ATP6V0A4: variants seen among roughly 807,000 people sequenced by gnomAD.
ATP6V0A4 encodes ATPase H+ transporting V0 subunit a4, also known as V-type proton ATPase 116 kDa subunit a 4.
ATP6V0A4 carries 86 observed loss-of-function variants against 107.3 expected under a neutral mutation model. The ratio of observed to expected loss-of-function variants is 0.80; its 90% CI spans 0.67 to 0.96. The LOEUF is 0.96. Among genes scored for constraint, ATP6V0A4 ranks in the 40% least tolerant of loss-of-function variants. The pLI is 0.00. For missense variants in ATP6V0A4, 908 were observed against 1,045.6 expected (o/e 0.87, Z 1.81); for synonymous variants, 353 against 381.4 (o/e 0.93, Z 0.87).
intron 2 of ATP6V0A4, among the ~76,000 whole-genome samples, chr7:138,784,262 A>T (rs1386314523): frequency 2.3e-5 from 1 of 43,724 alleles, no homozygotes. Flanking sequence ...ACATATATAT[A>T]TATACATATA....
At chr7:138,770,150 GA>G (rs1324730318) in intron 3 of ATP6V0A4, among the ~76,000 whole-genome samples, 1 of 150,390 alleles carries the variant, frequency 6.6e-6, no homozygotes, top group African/African-American at 2.4e-5. Context: ...AATAGGAAGT[GA>G]AAAAAACCCA....
chr7:138,733,142 G>T, intron 16 of ATP6V0A4, 49 bp from the exon 17 acceptor site: 1 of 1,610,928 alleles, frequency 6.2e-7, no homozygotes, highest in South Asian at 1.1e-5. Flanking sequence ...TCAAGGGAAC[G>T]TTAGGACTTA....
chr7:138,711,690 G>C (rs112933232), intron 20 of ATP6V0A4, among the ~76,000 whole-genome samples: 1 of 152,210 alleles, frequency 6.6e-6, no homozygotes, highest in African/African-American at 2.4e-5. Context: ...GGTTAGACCC[G>C]TACCTGAGAT....
intron 14 of ATP6V0A4, among the ~76,000 whole-genome samples, chr7:138,743,457 C>CAAA (rs11458268): frequency 3.2e-5 from 4 of 125,330 alleles, no homozygotes; most frequent in African/African-American, 9.1e-5. Context: ...GACTCCATCT[C>CAAA]AAAAAAAAAA....
At chr7:138,740,492 T>C (rs891520864) in intron 14 of ATP6V0A4, among the ~76,000 whole-genome samples, 1 of 149,104 alleles carries the variant, frequency 6.7e-6, no homozygotes, top group Admixed American at 6.8e-5. Flanking sequence ...AATGGCACGA[T>C]CTTGGCTCAC....
intron 7 of ATP6V0A4, among the ~76,000 whole-genome samples, chr7:138,761,869 G>A (rs1325808962): frequency 6.6e-6 from 1 of 152,102 alleles, no homozygotes; most frequent in Admixed American, 6.5e-5. Flanking sequence ...AGTAGAGATT[G>A]GGGTTTCACT....
At chr7:138,742,414 G>A (rs1046501279) in intron 14 of ATP6V0A4, among the ~76,000 whole-genome samples, 2 of 152,074 alleles carry the variant, frequency 1.3e-5, no homozygotes, top group East Asian at 1.9e-4. Flanking sequence ...GCCACAGAAC[G>A]AGACTCCACC....
chr7:138,742,547 C>T (rs965067226), intron 14 of ATP6V0A4, among the ~76,000 whole-genome samples: 1 of 152,058 alleles, frequency 6.6e-6, no homozygotes, highest in African/African-American at 2.4e-5. Context: ...TTGTTTGAGA[C>T]GGGGTCTTGC....
chr7:138,771,034 T>C (rs1339603557), intron 3 of ATP6V0A4, 97 bp downstream of exon 3: 2 of 1,236,694 alleles, frequency 1.6e-6, no homozygotes, highest in African/African-American at 1.5e-5. Context: ...CTCCTCTCCC[T>C]ACAAAATGGT....
intron 15 of ATP6V0A4, among the ~76,000 whole-genome samples, chr7:138,738,315 C>T (rs1286705200): frequency 6.6e-6 from 1 of 151,978 alleles, no homozygotes; most frequent in East Asian, 1.9e-4. Flanking sequence ...TGTGAAATAC[C>T]GTAGCTCCAC....
chr7:138,778,738 G>A (rs1007135034), intron 2 of ATP6V0A4, among the ~76,000 whole-genome samples: 3 of 151,926 alleles, frequency 2.0e-5, no homozygotes, highest in African/African-American at 7.3e-5. Flanking sequence ...CAAAGCCCAA[G>A]TGGGGAGCCT....
At chr7:138,721,289 A>T (rs1407660242) in intron 19 of ATP6V0A4, among the ~76,000 whole-genome samples, 1 of 152,192 alleles carries the variant, frequency 6.6e-6, no homozygotes, top group Non-Finnish European at 1.5e-5. Context: ...CTGTAATCCC[A>T]GCACTTTGGG....
intron 2 of ATP6V0A4, among the ~76,000 whole-genome samples, chr7:138,772,727 A>ACCTC (rs1807457894): frequency 6.6e-6 from 1 of 152,178 alleles, no homozygotes; most frequent in South Asian, 2.1e-4. Context: ...TAGCCAGGGA[A>ACCTC]CGGAGCCCTG....
At chr7:138,708,982 G>A (rs557878418) in intron 21 of ATP6V0A4, among the ~76,000 whole-genome samples, 1 of 152,160 alleles carries the variant, frequency 6.6e-6, no homozygotes, top group East Asian at 1.9e-4. Flanking sequence ...GCTGAGGCGG[G>A]TGAATCACTT....
intron 19 of ATP6V0A4, among the ~76,000 whole-genome samples, chr7:138,716,495 A>G (rs1322342435): frequency 2.0e-5 from 3 of 151,856 alleles, no homozygotes; most frequent in Non-Finnish European, 4.4e-5. Flanking sequence ...AACACAGGAA[A>G]GAAGTAAATA....
chr7:138,725,915 T>C (rs754073885), intron 18 of ATP6V0A4, among the ~76,000 whole-genome samples: 13 of 152,252 alleles, frequency 8.5e-5, no homozygotes, highest in African/African-American at 3.1e-4. Context: ...TCGTTATTCA[T>C]GCACTTGTCT....
chr7:138,736,640 C>A (rs540377936), intron 15 of ATP6V0A4, among the ~76,000 whole-genome samples: 1 of 151,922 alleles, frequency 6.6e-6, no homozygotes, highest in African/African-American at 2.4e-5. Flanking sequence ...GGTGCAATCT[C>A]GGCTCACTAC....
intron 2 of ATP6V0A4, among the ~76,000 whole-genome samples, chr7:138,775,795 C>T (rs7793040): frequency 2.6e-5 from 4 of 151,592 alleles, no homozygotes; most frequent in Non-Finnish European, 5.9e-5. Context: ...GGACTATAGG[C>T]GCCCGCCACC....
rs143401718 is a variant in ATP6V0A4, at chr7:138,773,090, A to G, written c.-17-1826T>C. Among the ~76,000 whole-genome samples, 1 of 152,184 alleles carries G rather than the reference A, an allele frequency of 6.6e-6. No homozygotes were observed. Among genetic ancestry groups the G allele is most frequent in the East Asian group, 1.9e-4 (1 of 5,176 alleles). On this transcript the variant is annotated intron_variant, in intron 2 of 21. Coordinates refer to ENST00000310018, the MANE Select transcript of ATP6V0A4 (RefSeq NM_020632.3). This position sits in a 1 kb window ranked among gnomAD's most constrained non-coding sequence, Gnocchi z 5.4. ...TTTCCACACCTCCAGAGTAGATTTA[A>G]TTTTATCACGTACAGAGTATCTACT... is the stretch of plus-strand genomic sequence containing the variant.
Sources: allele counts gnomAD v4.1 joint callset (sites outside exome capture counted in the v4.1 genomes callset), GRCh38; gene constraint gnomAD v4.1.1; non-coding constraint Gnocchi (gnomAD v3.1); transcripts MANE v1.5; gene names NCBI Gene and HGNC (gene_info 2026-07-23, HGNC 2026-07-21).